Variants in BUB3 observed in about 807,000 individuals in gnomAD.
BUB3 encodes the protein BUB3 mitotic checkpoint protein, also known as mitotic checkpoint protein BUB3.
A neutral mutation model predicts 39.9 loss-of-function variants in BUB3; 22 were observed. The ratio of observed to expected loss-of-function variants is 0.55; its 90% CI spans 0.39 to 0.79. BUB3 has a LOEUF of 0.79. BUB3 is among the 30% of genes least tolerant of loss of function. The pLI is 0.00. For missense variants in BUB3, 303 were observed against 415.4 expected, an observed-to-expected ratio of 0.73 and a Z score of 2.35; for synonymous variants, 168 against 155.1, an observed-to-expected ratio of 1.08 and a Z score of -0.62.
chr10:123,154,997 C>T lies in BUB3; in HGVS notation c.80C>T (p.Ser27Phe). Residue 27 changes from serine (S) to phenylalanine (F), a missense_variant, in exon 2 of 8, where the codon TCC (serine) becomes TTC (phenylalanine). Transcript: ENST00000368865. The stretch of plus-strand genomic sequence containing the variant: ...TCCGTGAAGTTCAGCCCCAACACCT[C>T]CCAGTTCCTGCTTGTCTCCTCCTGG... ...ISSVKFSPNT[S>F]QFLLVSSWDT... 1 of 1,614,186 alleles carries T rather than the reference C, an allele frequency of 6.2e-7. No homozygotes were observed. The highest frequency in any genetic ancestry group is 8.5e-7 in the Non-Finnish European group (1 of 1,180,030).
In BUB3 at chr10:123,164,004, C is replaced by A; in HGVS notation, c.*169C>A. ...TTGAATTTTTTTTTTTAAATAAACA[C>A]CTTCTTAAGTGCATGAGATGGTTTG... is the stretch of plus-strand genomic sequence containing the variant. On this transcript the variant is annotated 3_prime_UTR_variant, in exon 8 of 8. Transcript: ENST00000368865. 1 of 1,320,724 alleles carries A rather than the reference C, an allele frequency of 7.6e-7. No homozygotes were observed. Among genetic ancestry groups the A allele is most frequent in the Non-Finnish European group, 9.7e-7 (1 of 1,033,390 alleles). The allele number at this position is 1,320,724 out of a possible 1,614,324, so 81.8% of individuals were successfully genotyped here.
intron 7 of BUB3, among the ~76,000 whole-genome samples, chr10:123,163,505 C>G (rs1448247447): frequency 6.6e-6 from 1 of 152,166 alleles, no homozygotes; most frequent in Non-Finnish European, 1.5e-5. Flanking sequence ...AGTTCCTTGT[C>G]CCCTCTCCCC....
At chr10:123,161,588 A>G (rs962737241) in intron 5 of BUB3, among the ~76,000 whole-genome samples, 15 of 152,254 alleles carry the variant, frequency 9.9e-5, no homozygotes, top group Non-Finnish European at 1.6e-4. Flanking sequence ...AACAGTTTTC[A>G]GGAATAAATC....
Position 123,159,370 on chromosome 10 carries a change from G to A in BUB3, c.418-1037G>A, listed in dbSNP as rs149605449. ...AGAGACATCATCTTACCTTGCCATG[G>A]GGCCTCTCTGCATTTTTTATGGCAG... is the stretch of plus-strand genomic sequence containing the variant. On this transcript the variant is annotated intron_variant, in intron 4 of 7. Transcript: ENST00000368865. Among the ~76,000 whole-genome samples, 1,226 of 152,266 alleles carry A rather than the reference G, an allele frequency of 8.1e-3. 22 individuals are homozygous for A. Among genetic ancestry groups the A allele is most frequent in the Middle Eastern group, 0.051 (15 of 294 alleles).
Position 123,164,037 on chromosome 10 carries a change from G to C in BUB3, c.*202G>C. 1.0e-5 allele frequency: 13 copies of C among 1,267,666 alleles called. No individual in the cohort carries two copies. The highest frequency in any genetic ancestry group is 1.3e-5 in the Non-Finnish European group (13 of 1,005,626). The allele number at this position is 1,267,666 out of a possible 1,614,324, so 78.5% of individuals were successfully genotyped here. ...AGTGCATGAGATGGTTTGATGGTTT[G>C]CTGCATTAAAGGTATTTGGGCAAAC... On this transcript the variant is annotated 3_prime_UTR_variant, in exon 8 of 8. Coordinates refer to ENST00000368865, the MANE Select transcript of BUB3 (RefSeq NM_004725.4).
chr10:123,162,017 G>T (rs1362092681), intron 5 of BUB3, among the ~76,000 whole-genome samples: 1 of 152,186 alleles, frequency 6.6e-6, no homozygotes, highest in Non-Finnish European at 1.5e-5. Flanking sequence ...ATTGTAATGT[G>T]CAAGGCCCTG....
chr10:123,163,723 A>G lies in BUB3; in HGVS notation c.972-97A>G. 5.5e-6 allele frequency: 6 copies of G among 1,090,522 alleles called. No homozygotes were observed. In the Middle Eastern group the frequency reaches 1.2e-3, roughly 219 times the overall value. 67.6% of individuals were successfully genotyped at this position (1,090,522 alleles called of 1,614,324 possible). ...CTTAGCATGTGAAGCCTGTTGGATA[A>G]AGGGCTGTGTTTGCATTTAATCTGT... On this transcript the variant is annotated intron_variant, in intron 7 of 7. Coordinates refer to ENST00000368865, the MANE Select transcript of BUB3 (RefSeq NM_004725.4).
At chr10:123,163,797 CT>C (rs1564784451) in intron 7 of BUB3, 22 bp from the exon 8 acceptor site, 2 of 1,596,928 alleles carry the variant, frequency 1.3e-6, no homozygotes, top group African/African-American at 1.3e-5. Flanking sequence ...TCATGCTGTT[CT>C]TTTTTTCTTT....
At chr10:123,155,196 T>C (rs1844334664) in intron 2 of BUB3, 84 bp downstream of exon 2, 2 of 1,439,490 alleles carry the variant, frequency 1.4e-6, no homozygotes, top group Non-Finnish European at 1.9e-6. Context: ...CAGTGTTGGG[T>C]AGAGGCGTCT....
At position 123,167,160 on chromosome 10, in the gene BUB3, C is replaced by G. The variant is rs896474070; in HGVS notation, c.*3325C>G. 3.9e-5 allele frequency: 6 copies of G among 152,072 alleles called. No homozygotes were observed. Among genetic ancestry groups the G allele is most frequent in the African/African-American group, 1.5e-4 (6 of 41,374 alleles). 9.4% of individuals were successfully genotyped at this position (152,072 alleles called of 1,614,324 possible). A position where few individuals can be genotyped will look rare whatever the true frequency, so the allele number is the denominator to read the frequency against. Reference sequence around the variant, plus strand: ...TTCCCACAATCATTTTACCTTTTACCACTCCCCCAGAAAACACTGGGGTTC... The same window carrying G: ...TTCCCACAATCATTTTACCTTTTACGACTCCCCCAGAAAACACTGGGGTTC... On this transcript the variant is annotated 3_prime_UTR_variant, in exon 8 of 8. Transcript: ENST00000368865.
intron 4 of BUB3, 107 bp downstream of exon 4, chr10:123,157,987 TGGG>T (rs796942021): frequency 7.4e-6 from 9 of 1,219,106 alleles, no homozygotes; most frequent in African/African-American, 6.2e-5. Flanking sequence ...AAAGTCAACA[TGGG>T]GGGAAAAAAG....
In BUB3 at chr10:123,160,127, T is replaced by C. The variant is rs532245262; in HGVS notation, c.418-280T>C. Among the ~76,000 whole-genome samples the C allele has an allele frequency of 9.2e-5, 14 of 152,360 alleles. No individual in the cohort carries two copies. The East Asian group carries it at 2.5e-3, about 27-fold the overall frequency. On this transcript the variant is annotated intron_variant, in intron 4 of 7. Coordinates refer to ENST00000368865, the MANE Select transcript of BUB3 (RefSeq NM_004725.4). ...CTAGGAAAAATAGTTTAATTTGTTTTAGTAATGGAGAGAATTAAGACTTCA... is the reference window on the plus strand; with the variant it reads ...CTAGGAAAAATAGTTTAATTTGTTTCAGTAATGGAGAGAATTAAGACTTCA...
In BUB3 at chr10:123,155,813, T is replaced by C. The variant is rs144590155; in HGVS notation, c.265+86T>C. ...TTATGTAGGAAGAGTGGTTCCTAAATTGCTTAGTTACTAAGTTGCTTAAGT... is the reference window on the plus strand; with the variant it reads ...TTATGTAGGAAGAGTGGTTCCTAAACTGCTTAGTTACTAAGTTGCTTAAGT... On this transcript the variant is annotated intron_variant, in intron 3 of 7. Transcript: ENST00000368865. 252 of 1,309,644 alleles carry C rather than the reference T, an allele frequency of 1.9e-4. No individual in the cohort carries two copies. The East Asian group carries it at 4.6e-3, about 24-fold the overall frequency. 81.1% of individuals were successfully genotyped at this position (1,309,644 alleles called of 1,614,324 possible).
rs1255262347 is a variant in BUB3, at chr10:123,167,019, G to A, written c.*3184G>A. 1 of 152,212 alleles carries A rather than the reference G, an allele frequency of 6.6e-6. No individual in the cohort carries two copies. The highest frequency in any genetic ancestry group is 1.5e-5 in the Non-Finnish European group (1 of 68,038). 9.4% of individuals were successfully genotyped at this position (152,212 alleles called of 1,614,324 possible). A position where few individuals can be genotyped will look rare whatever the true frequency, so the allele number is the denominator to read the frequency against. ...ACACTAGCTTCCTTCCCTCAGTGGGGACTCAACGCACATTAGCCTACTGAG... is the reference window on the plus strand; with the variant it reads ...ACACTAGCTTCCTTCCCTCAGTGGGAACTCAACGCACATTAGCCTACTGAG... On this transcript the variant is annotated 3_prime_UTR_variant, in exon 8 of 8. Coordinates refer to ENST00000368865, the MANE Select transcript of BUB3 (RefSeq NM_004725.4).
rs1268600075 is a variant in BUB3, at chr10:123,170,395, C to T, written c.*6560C>T. 1 of 152,122 alleles carries T rather than the reference C, an allele frequency of 6.6e-6. No individual in the cohort carries two copies. The highest frequency in any genetic ancestry group is 1.5e-5 in the Non-Finnish European group (1 of 68,028). The allele number at this position is 152,122 out of a possible 1,614,324, so 9.4% of individuals were successfully genotyped here. A position where few individuals can be genotyped will look rare whatever the true frequency, so the allele number is the denominator to read the frequency against. On this transcript the variant is annotated 3_prime_UTR_variant, in exon 8 of 8. Coordinates refer to ENST00000368865, the MANE Select transcript of BUB3 (RefSeq NM_004725.4). ...ACTCAGGATCATACCCATAAACCCACTGTTTAGATTTTAAAAAGTTCAATG... is the reference window on the plus strand; with the variant it reads ...ACTCAGGATCATACCCATAAACCCATTGTTTAGATTTTAAAAAGTTCAATG...
At position 123,162,967 on chromosome 10, in the gene BUB3, G is replaced by A. The variant is rs552637983; in HGVS notation, c.971+139G>A. 35 of 805,326 alleles carry A rather than the reference G, an allele frequency of 4.3e-5. No individual in the cohort carries two copies. In the African/African-American group the frequency reaches 5.5e-4, roughly 13 times the overall value. 49.9% of individuals were successfully genotyped at this position (805,326 alleles called of 1,614,324 possible). ...GTAGGGTTGGAGTTGATGTTATCAT[G>A]TTCTCCCAAGCTTTCAATATCCGTA... On this transcript the variant is annotated intron_variant, in intron 7 of 7. Coordinates refer to ENST00000368865, the MANE Select transcript of BUB3 (RefSeq NM_004725.4).
At chr10:123,162,139 A>G in intron 5 of BUB3, 97 bp from the exon 6 acceptor site, 1 of 1,088,186 alleles carries the variant, frequency 9.2e-7, no homozygotes. Context: ...TCATTTCTGA[A>G]ATAATCACTC....
At chr10:123,162,877 G>T (rs1215341589) in intron 7 of BUB3, 49 bp downstream of exon 7, 2 of 1,541,358 alleles carry the variant, frequency 1.3e-6, no homozygotes, top group African/African-American at 1.4e-5. Flanking sequence ...TTCAACCCAG[G>T]ATTTATTAAT....
In BUB3 at chr10:123,167,128, G is replaced by A. The variant is rs1844502658; in HGVS notation, c.*3293G>A. 1 of 152,048 alleles carries A rather than the reference G, an allele frequency of 6.6e-6. No homozygotes were observed. The highest frequency in any genetic ancestry group is 2.4e-5 in the African/African-American group (1 of 41,370). The allele number at this position is 152,048 out of a possible 1,614,324, so 9.4% of individuals were successfully genotyped here. A position where few individuals can be genotyped will look rare whatever the true frequency, so the allele number is the denominator to read the frequency against. ...CATTTAAGCCGGTTCTACTTTTTCT[G>A]GTCTTGTTCCCACAATCATTTTACC... On this transcript the variant is annotated 3_prime_UTR_variant, in exon 8 of 8. Coordinates refer to ENST00000368865, the MANE Select transcript of BUB3 (RefSeq NM_004725.4).
Sources: allele counts gnomAD v4.1 joint callset (sites outside exome capture counted in the v4.1 genomes callset), GRCh38; gene constraint gnomAD v4.1.1; transcripts MANE v1.5; gene names NCBI Gene and HGNC (gene_info 2026-07-23, HGNC 2026-07-21).